Variants in EYS observed in about 807,000 individuals in gnomAD.
The protein encoded by EYS is protein eyes shut homolog.
Under a neutral mutation model 282.1 loss-of-function variants are expected in EYS, and 250 were observed. That is an observed-to-expected ratio of 0.89 (90% CI 0.80 to 0.98). The LOEUF (loss-of-function observed/expected upper bound fraction) is 0.98, where lower values mean the gene tolerates loss of function less well. Among genes scored for constraint, EYS ranks in the 50% least tolerant of loss-of-function variants. The pLI, the probability that EYS is intolerant of heterozygous loss-of-function variation, is 0.00. For synonymous variants in EYS, 1,355 were observed against 1,282.9 expected (o/e 1.06, Z -1.20); for missense variants, 4,016 against 3,709.0 (o/e 1.08, Z -2.15).
intron 28 of EYS, among the ~76,000 whole-genome samples, chr6:64,432,154 G>A (rs762310607): frequency 8.6e-5 from 13 of 152,044 alleles, no homozygotes; most frequent in Non-Finnish European, 1.5e-4. Context: ...TGTAGAATAG[G>A]AACCACCTGC....
chr6:64,387,652 T>C (rs952501392), intron 29 of EYS, among the ~76,000 whole-genome samples: 26 of 152,132 alleles, frequency 1.7e-4, no homozygotes, highest in Non-Finnish European at 3.7e-4. Flanking sequence ...ATCATGGAAC[T>C]TTTAGAATGG....
At chr6:65,291,965 T>C (rs2150283675) in intron 12 of EYS, among the ~76,000 whole-genome samples, 1 of 151,644 alleles carries the variant, frequency 6.6e-6, no homozygotes, top group South Asian at 2.1e-4. Flanking sequence ...GTTAATGGAA[T>C]TTTTATGAAG....
At chr6:65,400,557 G>A (rs1766453814) in intron 7 of EYS, among the ~76,000 whole-genome samples, 1 of 151,774 alleles carries the variant, frequency 6.6e-6, no homozygotes. Flanking sequence ...CAGTCTTCTA[G>A]GTGGTAAGGA....
intron 31 of EYS, among the ~76,000 whole-genome samples, chr6:64,083,266 A>G (rs1402381291): frequency 1.3e-5 from 2 of 152,132 alleles, no homozygotes; most frequent in African/African-American, 2.4e-5. Flanking sequence ...CTGGACGGAA[A>G]TTTAGTATTT....
At chr6:64,320,826 A>G (rs1770190689) in intron 29 of EYS, among the ~76,000 whole-genome samples, 1 of 151,918 alleles carries the variant, frequency 6.6e-6, no homozygotes, top group East Asian at 1.9e-4. Context: ...ATTTATGTAA[A>G]TAAGATATTG....
intron 35 of EYS, among the ~76,000 whole-genome samples, chr6:63,957,272 A>G (rs1225823482): frequency 7.1e-6 from 1 of 140,704 alleles, no homozygotes; most frequent in African/African-American, 2.4e-5. Context: ...GGCTTCACTG[A>G]ACAGACCTCA....
At chr6:64,323,372 C>A (rs924696617) in intron 29 of EYS, among the ~76,000 whole-genome samples, 1 of 152,002 alleles carries the variant, frequency 6.6e-6, no homozygotes, top group Non-Finnish European at 1.5e-5. Context: ...TTTTAATTGC[C>A]GAATAACATT....
At chr6:64,133,788 A>T (rs1031961637) in intron 31 of EYS, among the ~76,000 whole-genome samples, 4 of 151,632 alleles carry the variant, frequency 2.6e-5, no homozygotes, top group African/African-American at 7.3e-5. Flanking sequence ...AGCTCTTATA[A>T]GAGGACTTGC....
intron 26 of EYS, among the ~76,000 whole-genome samples, chr6:64,549,262 G>T (rs1346410800): frequency 6.6e-6 from 1 of 152,152 alleles, no homozygotes; most frequent in Non-Finnish European, 1.5e-5. Context: ...ATAAGCAAAG[G>T]ATCTCAAGTG....
intron 13 of EYS, among the ~76,000 whole-genome samples, chr6:65,036,556 C>G (rs1772777793): frequency 6.6e-6 from 1 of 151,402 alleles, no homozygotes; most frequent in South Asian, 2.1e-4. Context: ...TACTTGCAAA[C>G]TATGCATCTA....
chr6:64,875,251 T>C (rs1232922502), intron 19 of EYS, among the ~76,000 whole-genome samples: 1 of 151,852 alleles, frequency 6.6e-6, no homozygotes, highest in Non-Finnish European at 1.5e-5. Flanking sequence ...GCTGAGGAAG[T>C]TGGAGAATTA....
chr6:65,666,414 T>C (rs952586488), intron 1 of EYS, among the ~76,000 whole-genome samples: 2 of 151,788 alleles, frequency 1.3e-5, no homozygotes, highest in African/African-American at 4.8e-5. Flanking sequence ...AGTCTCAAAA[T>C]TTCTTGTCTC....
chr6:65,432,785 C>T (rs1052038673), intron 5 of EYS, among the ~76,000 whole-genome samples: 12 of 152,100 alleles, frequency 7.9e-5, no homozygotes, highest in African/African-American at 2.4e-4. Context: ...AAGGCAGAAG[C>T]TGACACTGAC....
At position 63,908,687 on chromosome 6, in the gene EYS, G is replaced by T. The variant is rs893249133; in HGVS notation, c.7056-44329C>A. Among the ~76,000 whole-genome samples the T allele has an allele frequency of 4.0e-5, 6 of 151,816 alleles. No individual in the cohort carries two copies. In the South Asian group the frequency reaches 1.0e-3, roughly 26 times the overall value. ...GCTAGTCTCGAACTCCTGACCTCAG[G>T]TTATCCGCCCTCCTACGCCTCCCAC... On this transcript the variant is annotated intron_variant, in intron 35 of 42. Transcript: ENST00000503581.
intron 31 of EYS, among the ~76,000 whole-genome samples, chr6:64,113,027 T>C (rs1773259307): frequency 6.6e-6 from 1 of 152,070 alleles, no homozygotes; most frequent in Non-Finnish European, 1.5e-5. Context: ...TATCTGTTCC[T>C]TAAGGTTATG....
chr6:65,424,738 G>A (rs1425542379), intron 5 of EYS, among the ~76,000 whole-genome samples: 1 of 151,952 alleles, frequency 6.6e-6, no homozygotes, highest in Non-Finnish European at 1.5e-5. Context: ...CATTAACTGA[G>A]GCATGTACCG....
chr6:64,596,012 C>T (rs1766573438), intron 24 of EYS, among the ~76,000 whole-genome samples: 2 of 152,016 alleles, frequency 1.3e-5, no homozygotes, highest in Admixed American at 1.3e-4. Flanking sequence ...ACAGTCATAA[C>T]AGAAGACGAA....
At chr6:64,335,024 CCACCCGAA>C (rs1430807259) in intron 29 of EYS, among the ~76,000 whole-genome samples, 3 of 152,078 alleles carry the variant, frequency 2.0e-5, no homozygotes, top group Non-Finnish European at 2.9e-5. Flanking sequence ...AGACATATCA[CCACCCGAA>C]TAATGGTTCT....
chr6:65,352,214 C>T (rs1225591940), intron 9 of EYS, among the ~76,000 whole-genome samples: 1 of 151,772 alleles, frequency 6.6e-6, no homozygotes, highest in East Asian at 1.9e-4. Flanking sequence ...GTTTAAAAGG[C>T]TAATTGTTAG....
Sources: allele counts gnomAD v4.1 joint callset (sites outside exome capture counted in the v4.1 genomes callset), GRCh38; gene constraint gnomAD v4.1.1; transcripts MANE v1.5; gene names NCBI Gene and HGNC (gene_info 2026-07-23, HGNC 2026-07-21).